SPEF2: variants seen among roughly 807,000 people sequenced by gnomAD.
SPEF2 encodes sperm flagella and cilia-associated protein 2.
In SPEF2, 187 loss-of-function variants were observed where a neutral mutation model predicts 224.6. The ratio of observed to expected loss-of-function variants is 0.83; its 90% CI spans 0.74 to 0.94. The LOEUF (loss-of-function observed/expected upper bound fraction) is 0.94, where lower values mean the gene tolerates loss of function less well. Among genes scored for constraint, SPEF2 ranks in the 40% least tolerant of loss-of-function variants. The probability of loss-of-function intolerance (pLI) is 0.00; values close to 1 mark genes in which losing one functional copy is unlikely to be tolerated. For synonymous variants in SPEF2, 715 were observed against 707.3 expected, an observed-to-expected ratio of 1.01 and a Z score of -0.17; for missense variants, 2,170 against 2,135.6, an observed-to-expected ratio of 1.02 and a Z score of -0.32.
intron 25 of SPEF2, among the ~76,000 whole-genome samples, chr5:35,762,102 ACT>A (rs1233853757): frequency 6.6e-6 from 1 of 152,132 alleles, no homozygotes; most frequent in African/African-American, 2.4e-5. Flanking sequence ...GATAGTAATA[ACT>A]CTTAGTTAAT....
chr5:35,711,092 A>G (rs1741013350), intron 19 of SPEF2, among the ~76,000 whole-genome samples: 1 of 152,178 alleles, frequency 6.6e-6, no homozygotes, highest in African/African-American at 2.4e-5. Context: ...AATAATTTAC[A>G]AATTTTCCAA....
At chr5:35,789,039 A>C in intron 30 of SPEF2, 1 of 685,088 alleles carries the variant, frequency 1.5e-6, no homozygotes, top group Non-Finnish European at 2.7e-6. Flanking sequence ...TCAGTAAGTA[A>C]TTTTGAAATA....
At chr5:35,765,582 T>C (rs931506343) in intron 26 of SPEF2, among the ~76,000 whole-genome samples, 1 of 152,208 alleles carries the variant, frequency 6.6e-6, no homozygotes, top group South Asian at 2.1e-4. Context: ...TGACCACTTA[T>C]GTGTAAGTCT....
intron 10 of SPEF2, among the ~76,000 whole-genome samples, chr5:35,690,435 A>T (rs1197557935): frequency 6.6e-6 from 1 of 152,156 alleles, no homozygotes; most frequent in African/African-American, 2.4e-5. Flanking sequence ...ACTCTTTCAT[A>T]CAAGAATTAT....
At chr5:35,634,069 A>C (rs996047251) in intron 2 of SPEF2, among the ~76,000 whole-genome samples, 4 of 152,026 alleles carry the variant, frequency 2.6e-5, no homozygotes, top group Non-Finnish European at 5.9e-5. Context: ...AAATATATTT[A>C]AACTATTTTT....
intron 6 of SPEF2, among the ~76,000 whole-genome samples, chr5:35,650,227 T>C (rs944997437): frequency 1.3e-5 from 2 of 151,986 alleles, no homozygotes; most frequent in South Asian, 2.1e-4. Flanking sequence ...AAGGAAGAAA[T>C]GATGAAGTCA....
intron 2 of SPEF2, among the ~76,000 whole-genome samples, chr5:35,631,767 A>T (rs888681134): frequency 6.6e-6 from 1 of 152,234 alleles, no homozygotes; most frequent in African/African-American, 2.4e-5. Context: ...ATTCAAAAAT[A>T]TTTGGGAAAA....
At chr5:35,751,096 C>CATATATATATATATATATATATATAT (rs376188111) in intron 23 of SPEF2, among the ~76,000 whole-genome samples, 2 of 30,608 alleles carry the variant, frequency 6.5e-5, no homozygotes, top group African/African-American at 1.1e-4. Flanking sequence ...CACACACACA[C>CATATATATATATATATATATATATAT]ATATATATAT....
chr5:35,793,191 C>T lies in SPEF2; in HGVS notation c.4587C>T (p.Asn1529=), dbSNP rs143989493. ...AATTAACATCTTTATTAACAGTCAACTCCGAGTTCGTGGACTGGCGGAAGT... is the reference window on the plus strand; with the variant it reads ...AATTAACATCTTTATTAACAGTCAATTCCGAGTTCGTGGACTGGCGGAAGT... ...LQELTSLLTV[N]SEFVDWRKFL... Residue 1529 remains asparagine (N), a synonymous_variant, in exon 32 of 37, where the codon AAC becomes AAT. Transcript: ENST00000356031. The T allele has an allele frequency of 1.1e-3, 1,744 of 1,614,134 alleles. 36 individuals carry two copies. In the East Asian group the frequency reaches 0.032, roughly 29 times the overall value.
chr5:35,641,021 T>TA (rs947515774), intron 2 of SPEF2, among the ~76,000 whole-genome samples: 1 of 152,160 alleles, frequency 6.6e-6, no homozygotes, highest in African/African-American at 2.4e-5. Flanking sequence ...TCCTTTTCTG[T>TA]AAAAAAGTTC....
intron 30 of SPEF2, chr5:35,789,406 A>C (rs1437504016): frequency 4.3e-6 from 3 of 698,074 alleles, no homozygotes; most frequent in Non-Finnish European, 7.8e-6. Flanking sequence ...GAGGTCTGTC[A>C]AACTAGACAG....
At chr5:35,688,780 T>A (rs1016520685) in intron 10 of SPEF2, among the ~76,000 whole-genome samples, 1 of 152,232 alleles carries the variant, frequency 6.6e-6, no homozygotes, top group Non-Finnish European at 1.5e-5. Flanking sequence ...ATAATAATAC[T>A]TGTGTAAGAG....
chr5:35,807,814 T>A, intron 36 of SPEF2: 1 of 1,533,718 alleles, frequency 6.5e-7, no homozygotes, highest in Non-Finnish European at 8.7e-7. Flanking sequence ...ACCAAGCAGG[T>A]CTGGACCACA....
At chr5:35,696,437 G>A (rs1476146026) in intron 14 of SPEF2, among the ~76,000 whole-genome samples, 1 of 152,046 alleles carries the variant, frequency 6.6e-6, no homozygotes, top group African/African-American at 2.4e-5. Flanking sequence ...AGGGAAATGG[G>A]TTCAGAAAAA....
chr5:35,791,866 G>T (rs1042192620), intron 30 of SPEF2, among the ~76,000 whole-genome samples: 1 of 152,052 alleles, frequency 6.6e-6, no homozygotes, highest in African/African-American at 2.4e-5. Flanking sequence ...AGCAAATATG[G>T]TCTGATCCAA....
At chr5:35,761,220 A>G (rs953844181) in intron 25 of SPEF2, among the ~76,000 whole-genome samples, 1 of 152,166 alleles carries the variant, frequency 6.6e-6, no homozygotes, top group Admixed American at 6.5e-5. Flanking sequence ...TAGTTCTGTT[A>G]CTCAATCATT....
intron 32 of SPEF2, among the ~76,000 whole-genome samples, chr5:35,793,759 C>CACAT (rs4024111): frequency 0.59 from 84,024 of 142,114 alleles, 30,441 homozygotes; most frequent in Non-Finnish European, 0.75. Context: ...CACACACACA[C>CACAT]ACACACACAG....
chr5:35,628,970 C>G (rs1435397887), intron 2 of SPEF2, among the ~76,000 whole-genome samples: 2 of 151,864 alleles, frequency 1.3e-5, no homozygotes, highest in Non-Finnish European at 2.9e-5. Context: ...TCATAAGATC[C>G]CTTCCAAACC....
rs73086232 is a variant in SPEF2 at position 35,736,551 on chromosome 5, C to T, written c.3064-3368C>T. Reference sequence around the variant, plus strand: ...AACCATCATGTCACATGAGAACTAACTCACTATCATGAGCACAGCATGGGG... The same window carrying T: ...AACCATCATGTCACATGAGAACTAATTCACTATCATGAGCACAGCATGGGG... On this transcript the variant is annotated intron_variant, in intron 21 of 36. Coordinates refer to ENST00000356031, the MANE Select transcript of SPEF2 (RefSeq NM_024867.4). Among the ~76,000 whole-genome samples the T allele has an allele frequency of 2.0e-3, 304 of 152,236 alleles. 2 individuals are homozygous for T. The highest frequency in any genetic ancestry group is 7.2e-3 in the African/African-American group (297 of 41,532).
Sources: gnomAD v4.1 joint callset for allele counts (sites outside exome capture counted in the v4.1 genomes callset) on GRCh38, gnomAD v4.1.1 for gene constraint, MANE v1.5 for transcripts, NCBI Gene and HGNC (gene_info 2026-07-23, HGNC 2026-07-21) for gene names.